The following CELF2 variants were observed in gnomAD, a reference collection of about 807,000 sequenced individuals.
CELF2 encodes CUG triplet repeat RNA-binding protein 2.
CELF2 carries 8 observed loss-of-function variants against 62.6 expected under a neutral mutation model. The ratio of observed to expected loss-of-function variants is 0.13; its 90% CI spans 0.07 to 0.23. CELF2 has a LOEUF of 0.23. CELF2 is among the 10% of genes least tolerant of loss of function. The probability of loss-of-function intolerance (pLI) is 1.00; values close to 1 mark genes in which losing one functional copy is unlikely to be tolerated. For missense variants in CELF2, 333 were observed against 671.0 expected, an observed-to-expected ratio of 0.50 and a Z score of 5.56; for synonymous variants, 258 against 250.0, an observed-to-expected ratio of 1.03 and a Z score of -0.30.
the CELF2 span, among the ~76,000 whole-genome samples, chr10:10,486,613 TC>T: frequency 6.6e-6 from 1 of 152,152 alleles, no homozygotes; most frequent in Admixed American, 6.5e-5. Context: ...GATTGAGCAC[TC>T]CAAACCTGAA....
At chr10:10,697,800 T>G in the CELF2 span, among the ~76,000 whole-genome samples, 1 of 152,166 alleles carries the variant, frequency 6.6e-6, no homozygotes, top group African/African-American at 2.4e-5. Flanking sequence ...GGGTTTGGTT[T>G]TGTCTGAGAC....
At chr10:11,226,608 AC>A (rs1565414796) in intron 3 of CELF2, among the ~76,000 whole-genome samples, 1,579 of 147,512 alleles carry the variant, frequency 0.011, 39 homozygotes, top group South Asian at 0.077. Context: ...GGCCACACAC[AC>A]ACACACACAC....
chr10:11,122,770 T>C (rs1354154588), intron 1 of CELF2, among the ~76,000 whole-genome samples: 1 of 152,230 alleles, frequency 6.6e-6, no homozygotes, highest in East Asian at 1.9e-4. Context: ...CCAAGCTCAA[T>C]TTTTCTCATC....
intron 1 of CELF2, among the ~76,000 whole-genome samples, chr10:10,817,785 A>G (rs2056604802): frequency 6.6e-6 from 1 of 152,242 alleles, no homozygotes; most frequent in South Asian, 2.1e-4. Context: ...ACAAACATAG[A>G]AGCAATAACA....
chr10:10,580,026 T>G, the CELF2 span, among the ~76,000 whole-genome samples: 1 of 152,156 alleles, frequency 6.6e-6, no homozygotes, highest in African/African-American at 2.4e-5. Flanking sequence ...CAAAAAAGAT[T>G]ACCATAAATT....
chr10:11,183,003 G>A (rs958875923), intron 2 of CELF2, among the ~76,000 whole-genome samples: 33 of 152,202 alleles, frequency 2.2e-4, no homozygotes, highest in African/African-American at 6.0e-4. Context: ...CAAACTTCAC[G>A]TACTTAAAGT....
At chr10:10,835,630 C>G (rs576236589) in intron 1 of CELF2, among the ~76,000 whole-genome samples, 1 of 152,240 alleles carries the variant, frequency 6.6e-6, no homozygotes, top group African/African-American at 2.4e-5. Flanking sequence ...TGATCCACCC[C>G]CTTCAGCCTC....
the CELF2 span, among the ~76,000 whole-genome samples, chr10:10,572,747 C>T: frequency 0.011 from 1,731 of 152,190 alleles, 60 homozygotes; most frequent in East Asian, 0.099. Context: ...TTTCTTTATC[C>T]GGTCTATCAT....
At chr10:10,519,020 TC>T in the CELF2 span, among the ~76,000 whole-genome samples, 4 of 152,148 alleles carry the variant, frequency 2.6e-5, no homozygotes, top group South Asian at 8.3e-4. Flanking sequence ...AGGAAGTCAA[TC>T]AAAAAATAAC....
At chr10:10,581,606 T>C in the CELF2 span, among the ~76,000 whole-genome samples, 2 of 152,178 alleles carry the variant, frequency 1.3e-5, no homozygotes, top group Admixed American at 1.3e-4. Flanking sequence ...AGAAGGAGGA[T>C]TGAGCAGGAA....
rs753633762 is a variant in CELF2, at chr10:11,336,461, CTT to C, written c.*7409_*7410del. 39 of 152,658 alleles carry C rather than the reference CTT, an allele frequency of 2.6e-4. No homozygotes were observed. The highest frequency in any genetic ancestry group is 4.0e-4 in the Non-Finnish European group (27 of 68,010). 9.5% of individuals were successfully genotyped at this position (152,658 alleles called of 1,614,324 possible). ...ATCAGGAACACAATACTGGATGTGT[CTT>C]ATATATATTGAACTATATAGTACTC... On this transcript the variant is annotated 3_prime_UTR_variant, in exon 13 of 13. Coordinates refer to ENST00000633077, the MANE Select transcript of CELF2 (RefSeq NM_001326342.2). The surrounding 1 kb of genome is among the most constrained non-coding windows in gnomAD (Gnocchi z 5.4).
chr10:10,599,935 G>C, the CELF2 span, among the ~76,000 whole-genome samples: 1,047 of 152,098 alleles, frequency 6.9e-3, 5 homozygotes, highest in South Asian at 0.036. Flanking sequence ...GTTTCACCCT[G>C]TTAGCCAGGG....
At chr10:11,163,071 G>A (rs139029882) in intron 1 of CELF2, among the ~76,000 whole-genome samples, 21 of 152,248 alleles carry the variant, frequency 1.4e-4, no homozygotes, top group African/African-American at 5.1e-4. Flanking sequence ...GGCATTGGCC[G>A]GCTCCTCTAC....
intron 1 of CELF2, among the ~76,000 whole-genome samples, chr10:11,126,577 T>C (rs1332712696): frequency 6.6e-6 from 1 of 152,216 alleles, no homozygotes; most frequent in Non-Finnish European, 1.5e-5. Context: ...AAAAATTGCC[T>C]TTCCCGTGGT....
At chr10:11,005,290 GA>G (rs2055029714), upstream of CELF2, 77 of 1,585,114 alleles carry the variant, frequency 4.9e-5, no homozygotes, top group Admixed American at 3.4e-4. The surrounding 1 kb of genome is among the most constrained non-coding windows in gnomAD (Gnocchi z 4.3). Flanking sequence ...GAGAGAGAGA[GA>G]GAGGGAGGAG....
the CELF2 span, among the ~76,000 whole-genome samples, chr10:10,728,971 A>C: frequency 6.6e-6 from 1 of 152,230 alleles, no homozygotes; most frequent in African/African-American, 2.4e-5. Flanking sequence ...TTCTAAATCA[A>C]TGAAATTATC....
In CELF2 at chr10:11,211,970, G is replaced by A. The variant is rs1401306844; in HGVS notation, c.272-5455G>A. The stretch of plus-strand genomic sequence containing the variant: ...ATACCTGAGGGAACTCTTCATGACA[G>A]CAGAAACTATTAGTGAAAAAATATA... On this transcript the variant is annotated intron_variant, in intron 2 of 12. Coordinates refer to ENST00000633077, the MANE Select transcript of CELF2 (RefSeq NM_001326342.2). This position sits in a 1 kb window ranked among gnomAD's most constrained non-coding sequence, Gnocchi z 4.8. 6.6e-6 allele frequency among the ~76,000 whole-genome samples: 1 copy of A among 152,072 alleles called. No individual in the cohort carries two copies. The highest frequency in any genetic ancestry group is 2.4e-5 in the African/African-American group (1 of 41,406).
At chr10:11,132,503 A>G (rs942174708) in intron 1 of CELF2, among the ~76,000 whole-genome samples, 2 of 152,242 alleles carry the variant, frequency 1.3e-5, no homozygotes, top group Non-Finnish European at 2.9e-5. Flanking sequence ...AATGTGGGCA[A>G]TAAAGGTAGA....
chr10:11,329,206 A>T lies in CELF2; in HGVS notation c.*153A>T. The stretch of plus-strand genomic sequence containing the variant: ...TTTACAATAAGGCCTCCATGTCCCC[A>T]CCCACTTCCCCTACCCAGTTTGCCA... On this transcript the variant is annotated 3_prime_UTR_variant, in exon 13 of 13. Transcript: ENST00000633077. This position sits in a 1 kb window ranked among gnomAD's most constrained non-coding sequence, Gnocchi z 5.5. The T allele has an allele frequency of 1.5e-6, 1 of 664,444 alleles. No homozygotes were observed. The highest frequency in any genetic ancestry group is 2.3e-6 in the Non-Finnish European group (1 of 428,770). The allele number at this position is 664,444 out of a possible 1,614,324, so 41.2% of individuals were successfully genotyped here.
Sources: allele counts gnomAD v4.1 joint callset (sites outside exome capture counted in the v4.1 genomes callset), GRCh38; gene constraint gnomAD v4.1.1; non-coding constraint Gnocchi (gnomAD v3.1); transcripts MANE v1.5; gene names NCBI Gene and HGNC (gene_info 2026-07-23, HGNC 2026-07-21).